Variants in MYO16 observed in about 807,000 individuals in gnomAD.
The protein encoded by MYO16 is myosin XVI, also known as unconventional myosin-XVI.
MYO16 carries 94 observed loss-of-function variants against 205.3 expected under a neutral mutation model. The observed-to-expected ratio is 0.46, with a 90% CI of 0.39 to 0.54. MYO16 has a LOEUF of 0.54. Ranked by LOEUF, MYO16 falls within the 20% of genes least tolerant of loss-of-function variation. The pLI, the probability that MYO16 is intolerant of heterozygous loss-of-function variation, is 0.00. For missense variants in MYO16, 2,315 were observed against 2,387.5 expected (o/e 0.97, Z 0.63); for synonymous variants, 988 against 954.0 (o/e 1.04, Z -0.66).
intron 1 of MYO16, among the ~76,000 whole-genome samples, chr13:108,650,449 C>G (rs1038840576): frequency 6.6e-6 from 1 of 152,146 alleles, no homozygotes; most frequent in African/African-American, 2.4e-5. Flanking sequence ...GAGAATTTGC[C>G]TATTAAATAC....
chr13:108,849,527 G>C (rs1384158977), intron 10 of MYO16, among the ~76,000 whole-genome samples: 2 of 143,234 alleles, frequency 1.4e-5, no homozygotes, highest in Non-Finnish European at 3.1e-5. Context: ...TTCCTCCTTT[G>C]TGTGTGTGTG....
At chr13:108,550,605 C>G in the MYO16 span, among the ~76,000 whole-genome samples, 2 of 152,110 alleles carry the variant, frequency 1.3e-5, no homozygotes. Flanking sequence ...ATTTGTAGCA[C>G]TTTGAGACTG....
At chr13:108,735,692 G>C (rs1308284011) in intron 4 of MYO16, among the ~76,000 whole-genome samples, 2 of 150,710 alleles carry the variant, frequency 1.3e-5, no homozygotes, top group Non-Finnish European at 3.0e-5. Flanking sequence ...GGTATTTCTA[G>C]TTCTAGATCC....
intron 28 of MYO16, among the ~76,000 whole-genome samples, chr13:109,112,774 A>C (rs1335357454): frequency 6.6e-6 from 1 of 152,224 alleles, no homozygotes; most frequent in Non-Finnish European, 1.5e-5. Context: ...TAGACAAATG[A>C]AATTTTAAAT....
In MYO16 at chr13:109,023,691, A is replaced by ATACATATG. The variant is rs1566468328; in HGVS notation, c.2796+3782_2796+3783insCATATGTA. Among the ~76,000 whole-genome samples, 12 of 109,912 alleles carry ATACATATG rather than the reference A, an allele frequency of 1.1e-4. No homozygotes were observed. The South Asian group carries it at 3.3e-3, about 30-fold the overall frequency. 72.1% of individuals were successfully genotyped at this position (109,912 alleles called of 152,430 possible). ...TGCAAATATATGTATATATACATAT[A>ATACATATG]TATGTATATATGTATATATACAAAT... is the stretch of plus-strand genomic sequence containing the variant. On this transcript the variant is annotated intron_variant, in intron 23 of 34. Transcript: ENST00000457511.
intron 1 of MYO16, among the ~76,000 whole-genome samples, chr13:108,597,617 C>G (rs544696606): frequency 6.6e-6 from 1 of 152,260 alleles, no homozygotes; most frequent in South Asian, 2.1e-4. Context: ...GACAGTATTT[C>G]TCAACTCATT....
intron 15 of MYO16, among the ~76,000 whole-genome samples, chr13:108,903,322 A>G (rs1467179485): frequency 6.6e-6 from 1 of 152,158 alleles, no homozygotes; most frequent in Non-Finnish European, 1.5e-5. Flanking sequence ...TATAAATTAA[A>G]TTTTATCATA....
In MYO16 at chr13:108,644,393, T is replaced by TATCTATC. The variant is rs901753417; in HGVS notation, c.28+14522_28+14528dup. On this transcript the variant is annotated intron_variant, in intron 1 of 34. Transcript: ENST00000457511. ...CTATCTATCTATCTATCTATCTATC[T>TATCTATC]ATCTATCTATCTATCTATCTATCAT... Among the ~76,000 whole-genome samples the TATCTATC allele has an allele frequency of 4.0e-5, 6 of 150,806 alleles. No individual in the cohort carries two copies. In the Admixed American group the frequency reaches 4.0e-4, roughly 10 times the overall value.
chr13:108,896,668 A>T (rs910987317), intron 14 of MYO16, among the ~76,000 whole-genome samples: 2 of 152,188 alleles, frequency 1.3e-5, no homozygotes, highest in African/African-American at 4.8e-5. Flanking sequence ...CAGGAAATTT[A>T]AAAGTGGGAT....
intron 2 of MYO16, among the ~76,000 whole-genome samples, chr13:108,684,747 A>C (rs116009167): frequency 0.022 from 3,423 of 152,228 alleles, 99 homozygotes; most frequent in South Asian, 0.069. Context: ...GAACATGCCT[A>C]TGTAACGAAG....
At chr13:108,829,286 T>C (rs765762225) in intron 9 of MYO16, among the ~76,000 whole-genome samples, 1 of 152,208 alleles carries the variant, frequency 6.6e-6, no homozygotes, top group African/African-American at 2.4e-5. Flanking sequence ...TAGAGCAATA[T>C]CTGCCTCATT....
At chr13:108,560,739 A>T in the MYO16 span, among the ~76,000 whole-genome samples, 1 of 152,208 alleles carries the variant, frequency 6.6e-6, no homozygotes. Context: ...AGTTATGCAT[A>T]TCATTTATTT....
chr13:108,736,732 G>C (rs1300892648), intron 4 of MYO16, among the ~76,000 whole-genome samples: 1 of 152,106 alleles, frequency 6.6e-6, no homozygotes, highest in African/African-American at 2.4e-5. Flanking sequence ...ATTACCTTGG[G>C]CAGTATGGCC....
chr13:109,026,207 A>G (rs1222464270), intron 23 of MYO16, among the ~76,000 whole-genome samples: 1 of 152,234 alleles, frequency 6.6e-6, no homozygotes, highest in East Asian at 1.9e-4. Context: ...GAGACTGTGA[A>G]TATGATCTTA....
At chr13:108,972,702 A>G (rs552775955) in intron 20 of MYO16, among the ~76,000 whole-genome samples, 64 of 151,144 alleles carry the variant, frequency 4.2e-4, no homozygotes, top group Admixed American at 1.3e-3. Flanking sequence ...CTCAACTGCC[A>G]CTCTTTCTCT....
At chr13:109,184,182 A>T (rs965391577) in intron 34 of MYO16, among the ~76,000 whole-genome samples, 8 of 152,136 alleles carry the variant, frequency 5.3e-5, no homozygotes, top group Non-Finnish European at 1.2e-4. Flanking sequence ...AAAAGGAAAC[A>T]TATATAAATA....
intron 2 of MYO16, among the ~76,000 whole-genome samples, chr13:108,686,141 G>A (rs981898922): frequency 2.6e-5 from 4 of 152,284 alleles, no homozygotes; most frequent in Admixed American, 1.3e-4. Flanking sequence ...TCCTCATCCA[G>A]GCAGAGTTGG....
chr13:108,690,110 G>A (rs17842217), intron 2 of MYO16, among the ~76,000 whole-genome samples: 1,948 of 152,064 alleles, frequency 0.013, 43 homozygotes, highest in African/African-American at 0.044. Context: ...CATGAAGGTC[G>A]AACTCAGTGA....
chr13:109,003,323 TC>T (rs759603414), intron 21 of MYO16, among the ~76,000 whole-genome samples: 3 of 152,166 alleles, frequency 2.0e-5, no homozygotes, highest in Non-Finnish European at 4.4e-5. Context: ...TAAAATTTTT[TC>T]CCCCAGAACA....
Sources: gnomAD v4.1 joint callset for allele counts (sites outside exome capture counted in the v4.1 genomes callset) on GRCh38, gnomAD v4.1.1 for gene constraint, MANE v1.5 for transcripts, NCBI Gene and HGNC (gene_info 2026-07-23, HGNC 2026-07-21) for gene names.